Variants in GRIA4 observed in about 807,000 individuals in gnomAD.
GRIA4 encodes glutamate ionotropic receptor AMPA type subunit 4.
In GRIA4, 34 loss-of-function variants were observed where a neutral mutation model predicts 104.0. The observed-to-expected ratio is 0.33, with a 90% CI of 0.25 to 0.44. GRIA4 has a LOEUF of 0.44. GRIA4 is among the 20% of genes least tolerant of loss of function. The probability of loss-of-function intolerance (pLI) is 1.00; values close to 1 mark genes in which losing one functional copy is unlikely to be tolerated. For synonymous variants in GRIA4, 386 were observed against 381.9 expected, an observed-to-expected ratio of 1.01 and a Z score of -0.13; for missense variants, 750 against 1,096.5, an observed-to-expected ratio of 0.68 and a Z score of 4.46.
At chr11:105,889,238 T>G (rs1021035883) in intron 6 of GRIA4, among the ~76,000 whole-genome samples, 1 of 152,174 alleles carries the variant, frequency 6.6e-6, no homozygotes, top group Non-Finnish European at 1.5e-5. Context: ...TAAACAGCCC[T>G]AGGAGATGGC....
chr11:105,638,275 A>C (rs977077204), intron 3 of GRIA4, among the ~76,000 whole-genome samples: 6 of 152,184 alleles, frequency 3.9e-5, no homozygotes, highest in African/African-American at 1.4e-4. Flanking sequence ...GAACAGTGAA[A>C]GATGGAGTGA....
chr11:105,664,439 T>C (rs1200353119), intron 3 of GRIA4, among the ~76,000 whole-genome samples: 2 of 151,176 alleles, frequency 1.3e-5, no homozygotes, highest in African/African-American at 4.9e-5. Context: ...AAAATCAGAA[T>C]AATGTGTTTG....
intron 14 of GRIA4, among the ~76,000 whole-genome samples, chr11:105,934,705 T>C (rs1417446664): frequency 1.3e-5 from 2 of 152,186 alleles, no homozygotes; most frequent in Admixed American, 6.6e-5. Context: ...TTCATTCTTA[T>C]GGAAATATTG....
At chr11:105,839,609 G>A (rs749465472) in intron 4 of GRIA4, among the ~76,000 whole-genome samples, 1 of 151,612 alleles carries the variant, frequency 6.6e-6, no homozygotes, top group Non-Finnish European at 1.5e-5. Context: ...ATGGATTAAT[G>A]GTTAAAAATA....
intron 4 of GRIA4, among the ~76,000 whole-genome samples, chr11:105,856,950 G>A (rs1167560921): frequency 6.6e-6 from 1 of 152,000 alleles, no homozygotes; most frequent in Non-Finnish European, 1.5e-5. Flanking sequence ...TCTTATCTTG[G>A]GTTTACGTGA....
At chr11:105,845,625 G>A (rs1250581475) in intron 4 of GRIA4, among the ~76,000 whole-genome samples, 2 of 152,178 alleles carry the variant, frequency 1.3e-5, no homozygotes, top group East Asian at 1.9e-4. Flanking sequence ...GCTCACGCCT[G>A]TAAGTCCCAG....
chr11:105,667,082 AGCC>A (rs1332988513), intron 3 of GRIA4, among the ~76,000 whole-genome samples: 1 of 152,052 alleles, frequency 6.6e-6, no homozygotes, highest in African/African-American at 2.4e-5. Context: ...ACATATTCAG[AGCC>A]AGTTAAAATA....
intron 9 of GRIA4, among the ~76,000 whole-genome samples, chr11:105,905,836 G>T (rs1947023874): frequency 6.6e-6 from 1 of 152,166 alleles, no homozygotes; most frequent in South Asian, 2.1e-4. Flanking sequence ...TCAGGAAGGT[G>T]CTGGTGCTAG....
chr11:105,962,658 A>G (rs1319686691), intron 14 of GRIA4, among the ~76,000 whole-genome samples: 1 of 152,158 alleles, frequency 6.6e-6, no homozygotes, highest in East Asian at 1.9e-4. Flanking sequence ...TTTCTCACCT[A>G]GATTTTCGCT....
chr11:105,804,752 T>A lies in GRIA4; in HGVS notation c.487+51532T>A, dbSNP rs117772124. 7.6e-3 allele frequency among the ~76,000 whole-genome samples: 1,154 copies of A among 152,098 alleles called. 4 individuals are homozygous for A. The highest frequency in any genetic ancestry group is 0.013 in the Non-Finnish European group (878 of 67,932). On this transcript the variant is annotated intron_variant, in intron 4 of 16. Transcript: ENST00000282499. ...GCCTTCATTTTTTAACCACATTCCT[T>A]CTCTTTTTGGAATGGTAGAAAAGCA...
At chr11:105,713,653 C>A (rs1245036707) in intron 3 of GRIA4, among the ~76,000 whole-genome samples, 1 of 152,118 alleles carries the variant, frequency 6.6e-6, no homozygotes. Flanking sequence ...CAACTACAAG[C>A]TTTTCTACCT....
chr11:105,815,768 A>G (rs1296799644), intron 4 of GRIA4, among the ~76,000 whole-genome samples: 3 of 152,186 alleles, frequency 2.0e-5, no homozygotes, highest in Non-Finnish European at 4.4e-5. Context: ...GCTATACTTA[A>G]GTTCTCAATA....
chr11:105,743,655 C>A (rs1939464712), intron 3 of GRIA4, among the ~76,000 whole-genome samples: 1 of 152,128 alleles, frequency 6.6e-6, no homozygotes, highest in Non-Finnish European at 1.5e-5. Flanking sequence ...ACACCTGGGA[C>A]CTCAAACTCA....
At position 105,622,076 on chromosome 11, in the gene GRIA4, G is replaced by A. The variant is rs115181080; in HGVS notation, c.247+9642G>A. On this transcript the variant is annotated intron_variant, in intron 3 of 16. Transcript: ENST00000282499. ...TAGAAATTAACCCTTTGTCATATAC[G>A]TTGCAAATTATTTTTCCACTTTCCC... 6.5e-3 allele frequency among the ~76,000 whole-genome samples: 991 copies of A among 151,434 alleles called. 8 individuals carry two copies. The highest frequency in any genetic ancestry group is 0.022 in the African/African-American group (931 of 41,394).
chr11:105,659,706 T>C (rs1250675452), intron 3 of GRIA4, among the ~76,000 whole-genome samples: 1 of 151,860 alleles, frequency 6.6e-6, no homozygotes, highest in Non-Finnish European at 1.5e-5. Context: ...TCCTTCTATT[T>C]CCACTGAGTT....
chr11:105,747,515 G>A (rs1449655141), intron 3 of GRIA4, among the ~76,000 whole-genome samples: 1 of 152,116 alleles, frequency 6.6e-6, no homozygotes, highest in East Asian at 1.9e-4. Context: ...ATGCTTAAAT[G>A]TCTATGTATT....
chr11:105,738,094 T>C (rs1939070357), intron 3 of GRIA4, among the ~76,000 whole-genome samples: 1 of 148,752 alleles, frequency 6.7e-6, no homozygotes, highest in Non-Finnish European at 1.5e-5. Context: ...ATTAGAATAC[T>C]TGGATGGGTA....
At chr11:105,742,518 A>G (rs1255107502) in intron 3 of GRIA4, among the ~76,000 whole-genome samples, 1 of 151,960 alleles carries the variant, frequency 6.6e-6, no homozygotes, top group East Asian at 1.9e-4. Flanking sequence ...AAACAAGCTC[A>G]AATTTCTCCT....
At chr11:105,842,187 C>A (rs1051981924) in intron 4 of GRIA4, among the ~76,000 whole-genome samples, 2 of 151,978 alleles carry the variant, frequency 1.3e-5, no homozygotes, top group East Asian at 3.9e-4. Context: ...GCAATGAAAC[C>A]AGTTTGACCA....
Sources: gnomAD v4.1 joint callset for allele counts (sites outside exome capture counted in the v4.1 genomes callset) on GRCh38, gnomAD v4.1.1 for gene constraint, MANE v1.5 for transcripts, NCBI Gene and HGNC (gene_info 2026-07-23, HGNC 2026-07-21) for gene names.